Variants in NKTR observed in about 807,000 individuals in gnomAD.
NKTR encodes NK-tumor recognition protein.
NKTR carries 67 observed loss-of-function variants against 156.3 expected under a neutral mutation model. That is an observed-to-expected ratio of 0.43 (90% CI 0.35 to 0.53). The LOEUF (loss-of-function observed/expected upper bound fraction) is 0.53, where lower values mean the gene tolerates loss of function less well. NKTR is among the 20% of genes least tolerant of loss of function. NKTR has a pLI of 0.01. For synonymous variants in NKTR, 640 were observed against 596.6 expected (o/e 1.07, Z -1.06); for missense variants, 1,604 against 1,730.9 (o/e 0.93, Z 1.30).
chr3:42,608,786 G>C (rs565363544), intron 2 of NKTR, among the ~76,000 whole-genome samples: 25 of 152,256 alleles, frequency 1.6e-4, no homozygotes, highest in African/African-American at 5.1e-4. Context: ...CTTTGGATGC[G>C]AATGCTAAGG....
At chr3:42,608,843 A>G (rs1706490497) in intron 2 of NKTR, among the ~76,000 whole-genome samples, 1 of 152,188 alleles carries the variant, frequency 6.6e-6, no homozygotes, top group Non-Finnish European at 1.5e-5. Context: ...ATCAAATAGT[A>G]GGCTGGGTGT....
At position 42,633,584 on chromosome 3, in the gene NKTR, T is replaced by A. The variant is rs780595696; in HGVS notation, c.778T>A (p.Ser260Thr). 11 of 1,613,790 alleles carry A rather than the reference T, an allele frequency of 6.8e-6. No homozygotes were observed. The highest frequency in any genetic ancestry group is 1.3e-5 in the African/African-American group (1 of 74,994). The change falls in exon 10 of 17, where the codon TCT becomes ACT. Residue 260 changes from serine to threonine, a missense_variant. Physicochemically the swap from Ser to Thr is moderately conservative, Grantham distance 58. Around this residue, in one of 6 missense-constraint regions of NKTR, gnomAD observed 1,255 missense variants for 1,243.7 expected, o/e 1.01. Transcript: ENST00000232978. ...AGTGACTTGGTTTGTTCTAAGTCACTCTGAGAGGAGTGATACCAATGAAAA... is the reference window on the plus strand; with the variant it reads ...AGTGACTTGGTTTGTTCTAAGTCACACTGAGAGGAGTGATACCAATGAAAA... Reference protein sequence around the residue: ...NKHAMNPKGHSERSDTNEKRS... With the variant: ...NKHAMNPKGHTERSDTNEKRS...
chr3:42,643,800 C>A, intron 15 of NKTR, 102 bp from the exon 16 acceptor site: 1 of 761,378 alleles, frequency 1.3e-6, no homozygotes, highest in Non-Finnish European at 2.3e-6. Context: ...TCACCTAGTG[C>A]CCATGTTCTA....
At position 42,638,947 on chromosome 3, in the gene NKTR, G is replaced by C. The variant is rs756772827; in HGVS notation, c.3243G>C (p.Gln1081His). 1 of 1,613,578 alleles carries C rather than the reference G, an allele frequency of 6.2e-7. No homozygotes were observed. The highest frequency in any genetic ancestry group is 8.5e-7 in the Non-Finnish European group (1 of 1,179,696). The change falls in exon 13 of 17, where the codon CAG (glutamine) becomes CAC (histidine). Residue 1081 changes from glutamine (Q) to histidine (H), a missense_variant. Transcript: ENST00000232978. Reference sequence around the variant, plus strand: ...TGACTGTTTCATCAGATCTTGATCAGTTTACTAAAGATGATAGTAAACTCA... The same window carrying C: ...TGACTGTTTCATCAGATCTTGATCACTTTACTAAAGATGATAGTAAACTCA... Reference protein sequence around the residue: ...DTVTVSSDLDQFTKDDSKLSI... With the variant: ...DTVTVSSDLDHFTKDDSKLSI...
chr3:42,616,437 A>C (rs1214986535), intron 2 of NKTR, among the ~76,000 whole-genome samples: 1 of 152,216 alleles, frequency 6.6e-6, no homozygotes, highest in Non-Finnish European at 1.5e-5. Context: ...GTGAATATAC[A>C]GTCAGGTTTT....
intron 16 of NKTR, 47 bp from the exon 17 acceptor site, chr3:42,645,841 G>C (rs1448157665): frequency 1.5e-6 from 2 of 1,366,542 alleles, no homozygotes; most frequent in African/African-American, 2.9e-5. Flanking sequence ...GGAATTCAAA[G>C]ATTTTACAGT....
In NKTR at chr3:42,638,329, C is replaced by G. The variant is rs766331056; in HGVS notation, c.2625C>G (p.Pro875=). Reference sequence around the variant, plus strand: ...ATCACCTTAGAAATGGCAGTAAGCCCAAAAGGAAGAATTATGCTGGTAGTA... The same window carrying G: ...ATCACCTTAGAAATGGCAGTAAGCCGAAAAGGAAGAATTATGCTGGTAGTA... ...LSDHLRNGSK[P]KRKNYAGSKW... Residue 875 remains proline, a synonymous_variant, in exon 13 of 17, where the codon CCC becomes CCG. Coordinates refer to ENST00000232978, the MANE Select transcript of NKTR (RefSeq NM_005385.4). The G allele has an allele frequency of 1.6e-5, 26 of 1,610,662 alleles. No homozygotes were observed. Among genetic ancestry groups the G allele is most frequent in the Middle Eastern group, 3.3e-4 (2 of 6,054 alleles).
rs770647865 is a variant in NKTR at position 42,635,374 on chromosome 3, C to CT, written c.1163+11dup. 1.1e-5 allele frequency: 18 copies of CT among 1,600,988 alleles called. No individual in the cohort carries two copies. Among genetic ancestry groups the CT allele is most frequent in the Admixed American group, 1.7e-5 (1 of 58,184 alleles). On this transcript the variant is annotated intron_variant, in intron 12 of 16. Transcript: ENST00000232978. ...ATGGAGTAAAGGAGATAAGTAAGAA[C>CT]TTTGAGTATAAGCACAATCCTGTGT...
chr3:42,607,969 C>CTTTTTTTTTTTTTTTTTTTT lies in NKTR; in HGVS notation c.58+6929_58+6948dup, dbSNP rs201803926. 1.7e-4 allele frequency among the ~76,000 whole-genome samples: 13 copies of CTTTTTTTTTTTTTTTTTTTT among 74,968 alleles called. 3 individuals are homozygous for CTTTTTTTTTTTTTTTTTTTT. The highest frequency in any genetic ancestry group is 3.2e-4 in the Non-Finnish European group (11 of 33,914). 49.2% of individuals were successfully genotyped at this position (74,968 alleles called of 152,430 possible). A position where few individuals can be genotyped will look rare whatever the true frequency, so the allele number is the denominator to read the frequency against. On this transcript the variant is annotated intron_variant, in intron 2 of 16. Transcript: ENST00000232978. The stretch of plus-strand genomic sequence containing the variant: ...TGCCAATCGCAAGTCCTGAGTCGCT[C>CTTTTTTTTTTTTTTTTTTTT]TTTTTTTTTTTTTTTTTTTTTTTTT...
chr3:42,600,933 C>T, intron 1 of NKTR, 51 bp from the exon 2 acceptor site: 2 of 1,183,606 alleles, frequency 1.7e-6, no homozygotes, highest in African/African-American at 1.6e-5. Flanking sequence ...CCCCTGCCCT[C>T]GCCCCCGCCC....
At chr3:42,644,933 T>C (rs980976150) in intron 16 of NKTR, among the ~76,000 whole-genome samples, 2 of 152,168 alleles carry the variant, frequency 1.3e-5, no homozygotes, top group East Asian at 1.9e-4. Context: ...CTGACTATTC[T>C]ATTCTGTCCT....
At chr3:42,624,632 A>G (rs1026176484) in intron 6 of NKTR, among the ~76,000 whole-genome samples, 4 of 152,074 alleles carry the variant, frequency 2.6e-5, no homozygotes, top group Non-Finnish European at 5.9e-5. Context: ...ACTGATAGCT[A>G]GAAAAAGAAT....
rs890134854 is a variant in NKTR, at chr3:42,634,790, T to A, written c.1017+90T>A. 6 of 669,968 alleles carry A rather than the reference T, an allele frequency of 9.0e-6. No homozygotes were observed. In the South Asian group the frequency reaches 1.3e-4, roughly 14 times the overall value. The allele number at this position is 669,968 out of a possible 1,614,324, so 41.5% of individuals were successfully genotyped here. On this transcript the variant is annotated intron_variant, in intron 11 of 16. Transcript: ENST00000232978. ...GTCCTAGCGTTAATTTTAGATATAA[T>A]ACAAAATCTGTTCAAGGAACTAATT...
chr3:42,619,328 A>G, intron 4 of NKTR: 1 of 1,317,568 alleles, frequency 7.6e-7, no homozygotes, highest in Non-Finnish European at 9.8e-7. Context: ...TTTTGTTTTT[A>G]TGCAGTTTAT....
At chr3:42,635,182 G>T in intron 11 of NKTR, 39 bp from the exon 12 acceptor site, 1 of 1,577,900 alleles carries the variant, frequency 6.3e-7, no homozygotes, top group South Asian at 1.2e-5. Flanking sequence ...CTGTCGTGGA[G>T]AGGCATTTTT....
At chr3:42,640,536 T>C (rs1377030376) in intron 13 of NKTR, among the ~76,000 whole-genome samples, 2 of 152,244 alleles carry the variant, frequency 1.3e-5, no homozygotes, top group African/African-American at 4.8e-5. Flanking sequence ...GAAAATACCA[T>C]AAGAATCTTT....
chr3:42,625,276 G>T, intron 6 of NKTR, among the ~76,000 whole-genome samples: 1 of 152,124 alleles, frequency 6.6e-6, no homozygotes, highest in East Asian at 1.9e-4. Context: ...GGGATCTGCA[G>T]ACCCTGCAAG....
chr3:42,627,456 A>G (rs1246769043), intron 6 of NKTR: 3 of 984,412 alleles, frequency 3.0e-6, no homozygotes, highest in African/African-American at 3.5e-5. Flanking sequence ...CTGGTGGGGG[A>G]GTGGGGTTAT....
At chr3:42,644,978 TTG>T (rs35077404) in intron 16 of NKTR, among the ~76,000 whole-genome samples, 3 of 150,768 alleles carry the variant, frequency 2.0e-5, no homozygotes, top group Non-Finnish European at 3.0e-5. Flanking sequence ...TTTTGTGTCT[TTG>T]TGTGTGTGTG....
Sources: gnomAD v4.1 joint callset for allele counts (sites outside exome capture counted in the v4.1 genomes callset) on GRCh38, gnomAD v4.1.1 for gene constraint, gnomAD v4.1.1 regional missense constraint, MANE v1.5 for transcripts, NCBI Gene and HGNC (gene_info 2026-07-23, HGNC 2026-07-21) for gene names.